The following ZNF713 variants were observed in gnomAD, a reference collection of about 807,000 sequenced individuals.
ZNF713 encodes the protein zinc finger protein 713.
ZNF713 carries 21 observed loss-of-function variants against 28.7 expected under a neutral mutation model. That is an observed-to-expected ratio of 0.73 (90% confidence interval 0.52 to 1.05). The LOEUF (loss-of-function observed/expected upper bound fraction) is 1.05. ZNF713 is among the 50% of genes least tolerant of loss of function. ZNF713 has a pLI of 0.00. For synonymous variants in ZNF713, 167 were observed against 178.0 expected, an observed-to-expected ratio of 0.94 and a Z score of 0.49; for missense variants, 458 against 532.4, an observed-to-expected ratio of 0.86 and a Z score of 1.37.
intron 4 of ZNF713, among the ~76,000 whole-genome samples, chr7:55,915,676 T>A (rs187178671): frequency 3.3e-5 from 5 of 152,220 alleles, no homozygotes; most frequent in Admixed American, 2.0e-4. Context: ...CACGGGTATA[T>A]TTGAGAAATT....
chr7:55,919,771 A>C (rs1407787472), intron 4 of ZNF713, among the ~76,000 whole-genome samples: 2 of 152,164 alleles, frequency 1.3e-5, no homozygotes, highest in Non-Finnish European at 2.9e-5. Flanking sequence ...AAATGAATTC[A>C]TTCGTGCAAT....
chr7:55,895,866 T>TAATATA (rs1785464525), intron 1 of ZNF713, among the ~76,000 whole-genome samples: 1 of 152,106 alleles, frequency 6.6e-6, no homozygotes, highest in Admixed American at 6.6e-5. Flanking sequence ...GTTTTATAGA[T>TAATATA]GAGGAAGTGG....
At chr7:55,923,513 TC>T in intron 5 of ZNF713, 93 bp from the exon 6 acceptor site, 1 of 1,225,414 alleles carries the variant, frequency 8.2e-7, no homozygotes, top group Non-Finnish European at 1.2e-6. Flanking sequence ...AAGTCTCCCC[TC>T]CAGAGGCTCT....
chr7:55,937,328 T>A (rs1562750333), intron 6 of ZNF713, among the ~76,000 whole-genome samples: 2 of 150,034 alleles, frequency 1.3e-5, no homozygotes, highest in East Asian at 2.0e-4. Context: ...AAATTAAAAT[T>A]AAAAAAAACT....
chr7:55,921,586 C>G (rs774940122), intron 4 of ZNF713, among the ~76,000 whole-genome samples: 27 of 152,266 alleles, frequency 1.8e-4, no homozygotes, highest in Non-Finnish European at 3.7e-4. Context: ...TGTGGAGGAA[C>G]AAACTGCAGG....
intron 6 of ZNF713, among the ~76,000 whole-genome samples, chr7:55,937,475 A>T (rs1359572368): frequency 6.6e-6 from 1 of 151,732 alleles, no homozygotes; most frequent in Non-Finnish European, 1.5e-5. Context: ...ATAGAACATG[A>T]CCCTTTCTGT....
chr7:55,905,615 G>A (rs1382661824), intron 1 of ZNF713, among the ~76,000 whole-genome samples: 3 of 151,800 alleles, frequency 2.0e-5, no homozygotes, highest in African/African-American at 7.3e-5. Context: ...CTGCACCCTG[G>A]GTGCAGAACA....
intron 4 of ZNF713, among the ~76,000 whole-genome samples, chr7:55,912,998 G>A (rs572148878): frequency 2.9e-4 from 44 of 151,974 alleles, no homozygotes; most frequent in Non-Finnish European, 5.1e-4. Flanking sequence ...TCTTTTAATC[G>A]TCCTTAAATA....
At chr7:55,926,317 A>C (rs563069027) in intron 6 of ZNF713, among the ~76,000 whole-genome samples, 1 of 152,300 alleles carries the variant, frequency 6.6e-6, no homozygotes, top group African/African-American at 2.4e-5. Context: ...CTCCAAAAAA[A>C]TAAAAAGAAA....
Position 55,923,244 on chromosome 7 carries a change from A to G in ZNF713, c.170A>G (p.Tyr57Cys), listed in dbSNP as rs962606844. The G allele has an allele frequency of 1.9e-6, 3 of 1,613,892 alleles. No individual in the cohort carries two copies. Among genetic ancestry groups the G allele is most frequent in the East Asian group, 2.2e-5 (1 of 44,876 alleles). ...CTGTACCCTGCCCAAAAGAACCTCT[A>G]TCGAGACGTGATGCTGGAGAACTAC... ...DQLYPAQKNL[Y>C]RDVMLENYRN... The change falls in exon 5 of 7, where the codon TAT becomes TGT. Residue 57 changes from tyrosine (Y) to cysteine (C), a missense_variant. Coordinates refer to ENST00000429591, the MANE Select transcript of ZNF713 (RefSeq NM_182633.3).
At chr7:55,897,848 C>A (rs542259810) in intron 1 of ZNF713, among the ~76,000 whole-genome samples, 1 of 152,038 alleles carries the variant, frequency 6.6e-6, no homozygotes, top group African/African-American at 2.4e-5. Flanking sequence ...ATGTCCAGTT[C>A]CTGCCGCAGA....
At chr7:55,913,195 C>CTTTTTTTTTTT (rs66851959) in intron 4 of ZNF713, among the ~76,000 whole-genome samples, 5 of 88,142 alleles carry the variant, frequency 5.7e-5, no homozygotes, top group Admixed American at 1.3e-4. Context: ...GTTTTGATTC[C>CTTTTTTTTTTT]TTTTTTTTTT....
intron 2 of ZNF713, among the ~76,000 whole-genome samples, chr7:55,907,977 A>G (rs1370167434): frequency 6.6e-6 from 1 of 152,002 alleles, no homozygotes; most frequent in Non-Finnish European, 1.5e-5. Flanking sequence ...ATAGGTACCC[A>G]GTAGTGGGAT....
At chr7:55,929,772 G>A (rs946586261) in intron 6 of ZNF713, among the ~76,000 whole-genome samples, 1 of 151,640 alleles carries the variant, frequency 6.6e-6, no homozygotes, top group Non-Finnish European at 1.5e-5. Context: ...TGGAGAGAGA[G>A]ACCTGGAAGA....
chr7:55,941,756 T>C lies in ZNF713; in HGVS notation c.*1750T>C, dbSNP rs1430012725. On this transcript the variant is annotated 3_prime_UTR_variant, in exon 7 of 7. Coordinates refer to ENST00000429591, the MANE Select transcript of ZNF713 (RefSeq NM_182633.3). ...ATACATAACCTTGAAATTAAAAATA[T>C]TCGTTGATGTCCCCCCAAAAATCTT... 3 of 152,130 alleles carry C rather than the reference T, an allele frequency of 2.0e-5. No individual in the cohort carries two copies. Among genetic ancestry groups the C allele is most frequent in the African/African-American group, 7.2e-5 (3 of 41,432 alleles). The allele number at this position is 152,130 out of a possible 1,614,324, so 9.4% of individuals were successfully genotyped here. A position where few individuals can be genotyped will look rare whatever the true frequency, so the allele number is the denominator to read the frequency against.
chr7:55,927,890 C>G (rs1188437542), intron 6 of ZNF713, among the ~76,000 whole-genome samples: 2 of 10,706 alleles, frequency 1.9e-4, no homozygotes, highest in African/African-American at 1.6e-3. Context: ...GAGCAAGACT[C>G]TGTCTCAAAA....
chr7:55,910,873 G>A (rs981218051), intron 2 of ZNF713, among the ~76,000 whole-genome samples: 12 of 152,150 alleles, frequency 7.9e-5, no homozygotes, highest in Non-Finnish European at 1.2e-4. Context: ...CTCCAGCCAC[G>A]GTCATTCTCA....
intron 2 of ZNF713, among the ~76,000 whole-genome samples, chr7:55,907,101 C>G (rs936671750): frequency 1.3e-5 from 2 of 152,000 alleles, no homozygotes; most frequent in African/African-American, 2.4e-5. Context: ...ATTTTTTTAG[C>G]CAGCTGAAGT....
rs199576461 is a variant in ZNF713 at position 55,939,759 on chromosome 7, G to A, written c.1085G>A (p.Arg362Lys). 22 of 1,614,058 alleles carry A rather than the reference G, an allele frequency of 1.4e-5. No homozygotes were observed. Among genetic ancestry groups the A allele is most frequent in the Non-Finnish European group, 1.8e-5 (21 of 1,180,036 alleles). The change falls in exon 7 of 7, where the codon AGA becomes AAA. Residue 362 changes from arginine to lysine, a missense_variant. By Grantham distance (26) the Arg-to-Lys change is conservative. Transcript: ENST00000429591. ...SRITSLTEHH[R>K]LHTGEKPYEC... ...ATCACATCCCTTACTGAACATCATAGACTTCATACCGGAGAGAAACCTTAC... is the reference window on the plus strand; with the variant it reads ...ATCACATCCCTTACTGAACATCATAAACTTCATACCGGAGAGAAACCTTAC...
Sources: gnomAD v4.1 joint callset for allele counts (sites outside exome capture counted in the v4.1 genomes callset) on GRCh38, gnomAD v4.1.1 for gene constraint, MANE v1.5 for transcripts, NCBI Gene and HGNC (gene_info 2026-07-23, HGNC 2026-07-21) for gene names.